ARHGAP12: variants seen among roughly 807,000 people sequenced by gnomAD.
The protein encoded by ARHGAP12 is rho GTPase-activating protein 12.
A neutral mutation model predicts 108.6 loss-of-function variants in ARHGAP12; 64 were observed. That is an observed-to-expected ratio of 0.59 (90% CI 0.48 to 0.73). The LOEUF is 0.73. Among genes scored for constraint, ARHGAP12 ranks in the 30% least tolerant of loss-of-function variants. The pLI, the probability that ARHGAP12 is intolerant of heterozygous loss-of-function variation, is 0.00. For missense variants in ARHGAP12, 940 were observed against 1,005.9 expected (o/e 0.93, Z 0.89); for synonymous variants, 312 against 337.2 (o/e 0.93, Z 0.82).
At chr10:31,810,283 TAGTA>T (rs760178743) in intron 16 of ARHGAP12, among the ~76,000 whole-genome samples, 8 of 152,238 alleles carry the variant, frequency 5.3e-5, no homozygotes, top group Admixed American at 3.3e-4. Flanking sequence ...AGAAGAAACT[TAGTA>T]AGTAAACACA....
intron 3 of ARHGAP12, among the ~76,000 whole-genome samples, chr10:31,867,683 G>A (rs1837377844): frequency 6.6e-6 from 1 of 152,074 alleles, no homozygotes; most frequent in African/African-American, 2.4e-5. Flanking sequence ...TGTTTCAAGA[G>A]TTTTAAAAAA....
rs1468915985 is a variant in ARHGAP12, at chr10:31,806,723, T to C, written c.*935A>G. ...ATCTAAAAGTGCACACAGTTAACTTTCCCAAATAACGGACTATTTCTGGAG... is the reference window on the plus strand; with the variant it reads ...ATCTAAAAGTGCACACAGTTAACTTCCCCAAATAACGGACTATTTCTGGAG... On this transcript the variant is annotated 3_prime_UTR_variant, in exon 20 of 20. Coordinates refer to ENST00000344936, the MANE Select transcript of ARHGAP12 (RefSeq NM_018287.7). 6.6e-6 allele frequency: 1 copy of C among 152,580 alleles called. No homozygotes were observed. Among genetic ancestry groups the C allele is most frequent in the Non-Finnish European group, 1.5e-5 (1 of 68,006 alleles). 9.5% of individuals were successfully genotyped at this position (152,580 alleles called of 1,614,324 possible).
intron 3 of ARHGAP12, among the ~76,000 whole-genome samples, chr10:31,877,801 T>A (rs1234972848): frequency 6.6e-6 from 1 of 152,162 alleles, no homozygotes; most frequent in East Asian, 1.9e-4. Flanking sequence ...TTAATGAAAT[T>A]TTAAAACCAG....
chr10:31,809,400 T>C (rs1834934638), intron 16 of ARHGAP12, 93 bp from the exon 17 acceptor site: 4 of 1,172,392 alleles, frequency 3.4e-6, no homozygotes, highest in Non-Finnish European at 3.8e-6. Context: ...TCCCACTCAT[T>C]TGCATTAGCC....
chr10:31,912,092 C>G (rs551278743), intron 1 of ARHGAP12, among the ~76,000 whole-genome samples: 1 of 152,208 alleles, frequency 6.6e-6, no homozygotes, highest in African/African-American at 2.4e-5. Flanking sequence ...TCGTTACTTT[C>G]ATGCATTACC....
At chr10:31,887,390 C>T (rs1838227310) in intron 3 of ARHGAP12, among the ~76,000 whole-genome samples, 1 of 152,168 alleles carries the variant, frequency 6.6e-6, no homozygotes, top group South Asian at 2.1e-4. Context: ...TAATGTTTGA[C>T]CAAATATCTG....
chr10:31,853,198 T>C (rs368413686), intron 5 of ARHGAP12, among the ~76,000 whole-genome samples: 3 of 152,318 alleles, frequency 2.0e-5, no homozygotes, highest in East Asian at 1.9e-4. Context: ...ACGATGTACA[T>C]ATGCACTGGA....
chr10:31,834,441 AG>A (rs1835939706), intron 9 of ARHGAP12, among the ~76,000 whole-genome samples: 1 of 152,192 alleles, frequency 6.6e-6, no homozygotes, highest in Non-Finnish European at 1.5e-5. Flanking sequence ...TGAACCAGGA[AG>A]GTGCCCTCAC....
At position 31,908,513 on chromosome 10, in the gene ARHGAP12, T is replaced by C. The variant is rs1839226960; in HGVS notation, c.343A>G (p.Ser115Gly). The change falls in exon 3 of 20, where the codon AGT (serine) becomes GGT (glycine). Residue 115 changes from serine (S) to glycine (G), a missense_variant. Coordinates refer to ENST00000344936, the MANE Select transcript of ARHGAP12 (RefSeq NM_018287.7). ...ACAGATGACGATGGCTTTCCGAAAC[T>C]TGAAAGCTCAGGCAATTTGTTCACA... The part of the protein sequence containing the change: ...ENVNKLPELS[S>G]FGKPSSSVQG... The C allele has an allele frequency of 3.7e-6, 6 of 1,614,246 alleles. No individual in the cohort carries two copies. The highest frequency in any genetic ancestry group is 2.2e-5 in the South Asian group (2 of 91,088).
chr10:31,860,488 T>G (rs760986397), intron 4 of ARHGAP12, among the ~76,000 whole-genome samples: 1 of 152,160 alleles, frequency 6.6e-6, no homozygotes, highest in Non-Finnish European at 1.5e-5. Context: ...GCCAATTTAC[T>G]GCACCATCCT....
intron 5 of ARHGAP12, among the ~76,000 whole-genome samples, chr10:31,853,263 T>C (rs1836766867): frequency 6.6e-6 from 1 of 152,174 alleles, no homozygotes; most frequent in Non-Finnish European, 1.5e-5. Context: ...AAAAGAGAAA[T>C]GTTTTTCAAT....
rs928492745 is a variant in ARHGAP12 at position 31,820,594 on chromosome 10, T to G, written c.1531-106A>C. 8 of 590,202 alleles carry G rather than the reference T, an allele frequency of 1.4e-5. No individual in the cohort carries two copies. In the South Asian group the frequency reaches 3.3e-4, roughly 24 times the overall value. 36.6% of individuals were successfully genotyped at this position (590,202 alleles called of 1,614,324 possible). ...TATTAACAATAAATCAAATAGATTT[T>G]CTCAAATTCTTCTTTTTCTCTATTA... On this transcript the variant is annotated intron_variant, in intron 11 of 19. Coordinates refer to ENST00000344936, the MANE Select transcript of ARHGAP12 (RefSeq NM_018287.7).
At chr10:31,917,169 G>A (rs183766530) in intron 1 of ARHGAP12, among the ~76,000 whole-genome samples, 1 of 151,802 alleles carries the variant, frequency 6.6e-6, no homozygotes, top group South Asian at 2.1e-4. Flanking sequence ...CAGCACTTTG[G>A]GGGGCTGAGG....
intron 6 of ARHGAP12, among the ~76,000 whole-genome samples, chr10:31,848,489 T>C (rs1423346650): frequency 6.6e-6 from 1 of 152,230 alleles, no homozygotes; most frequent in African/African-American, 2.4e-5. Flanking sequence ...CATTCTCTTC[T>C]TTTGGAATTC....
At chr10:31,818,975 T>C (rs985384953) in intron 12 of ARHGAP12, among the ~76,000 whole-genome samples, 1 of 152,156 alleles carries the variant, frequency 6.6e-6, no homozygotes, top group African/African-American at 2.4e-5. Context: ...TTTACCAATA[T>C]TGAATGTTTA....
intron 3 of ARHGAP12, among the ~76,000 whole-genome samples, chr10:31,868,461 T>C (rs761842389): frequency 6.6e-6 from 1 of 152,144 alleles, no homozygotes; most frequent in Non-Finnish European, 1.5e-5. Flanking sequence ...GATAGGCCCT[T>C]GTCTAGTCCA....
intron 2 of ARHGAP12, 39 bp from the exon 3 acceptor site, chr10:31,908,965 G>T: frequency 9.3e-7 from 1 of 1,071,304 alleles, no homozygotes. Flanking sequence ...GAAGAAAAAA[G>T]TTAATGCAAT....
chr10:31,817,183 T>C (rs1267374651), intron 13 of ARHGAP12, among the ~76,000 whole-genome samples: 3 of 151,922 alleles, frequency 2.0e-5, no homozygotes, highest in Non-Finnish European at 4.4e-5. Context: ...TGCTCCAGCC[T>C]GGGTGATGGC....
rs201347789 is a variant in ARHGAP12 at position 31,908,312 on chromosome 10, C to T, written c.544G>A (p.Gly182Ser). ...TTCTCTACATCCAAGAACTCTGGAC[C>T]GGGAAAATGACCAAATGAGCGTGTC... is the stretch of plus-strand genomic sequence containing the variant. ...NRTRSFGHFP[G>S]PEFLDVEKTS... Residue 182 changes from glycine (G) to serine (S), a missense_variant, in exon 3 of 20, where the codon GGT becomes AGT. Transcript: ENST00000344936. The T allele has an allele frequency of 9.9e-6, 16 of 1,613,954 alleles. No individual in the cohort carries two copies. Among genetic ancestry groups the T allele is most frequent in the East Asian group, 8.9e-5 (4 of 44,886 alleles).
Sources: gnomAD v4.1 joint callset for allele counts (sites outside exome capture counted in the v4.1 genomes callset) on GRCh38, gnomAD v4.1.1 for gene constraint, MANE v1.5 for transcripts, NCBI Gene and HGNC (gene_info 2026-07-23, HGNC 2026-07-21) for gene names.